The following CNBD1 variants were observed in gnomAD, a reference collection of about 807,000 sequenced individuals.
CNBD1 encodes the protein cyclic nucleotide binding domain containing 1.
Under a neutral mutation model 54.4 loss-of-function variants are expected in CNBD1, and 71 were observed. The ratio of observed to expected loss-of-function variants is 1.30; its 90% CI spans 1.08 to 1.59. CNBD1 has a LOEUF of 1.59. CNBD1 is among the 40% of genes most tolerant of loss of function. The pLI, the probability that CNBD1 is intolerant of heterozygous loss-of-function variation, is 0.00. For missense variants in CNBD1, 659 were observed against 518.0 expected (o/e 1.27, Z -2.64); for synonymous variants, 182 against 170.7 (o/e 1.07, Z -0.51).
intron 4 of CNBD1, among the ~76,000 whole-genome samples, chr8:87,153,288 T>C (rs1363184093): frequency 6.6e-6 from 1 of 152,216 alleles, no homozygotes; most frequent in East Asian, 1.9e-4. Flanking sequence ...TATATCAGAC[T>C]GCCATTTCTA....
intron 4 of CNBD1, among the ~76,000 whole-genome samples, chr8:87,038,371 A>AT (rs1266522106): frequency 1.3e-5 from 2 of 152,052 alleles, no homozygotes; most frequent in African/African-American, 4.8e-5. Context: ...ACACAAATCA[A>AT]TTTTTCCAAA....
intron 4 of CNBD1, among the ~76,000 whole-genome samples, chr8:87,034,566 A>G (rs540959881): frequency 1.3e-5 from 2 of 152,330 alleles, no homozygotes; most frequent in South Asian, 4.1e-4. Context: ...GGTGCCATGT[A>G]GGTATGATCT....
chr8:86,874,489 G>A (rs1808486617), intron 1 of CNBD1, among the ~76,000 whole-genome samples: 1 of 152,056 alleles, frequency 6.6e-6, no homozygotes, highest in Non-Finnish European at 1.5e-5. Flanking sequence ...TACATAGAGA[G>A]CTTTCCAGTT....
At chr8:86,998,528 C>G (rs1043785631) in intron 4 of CNBD1, among the ~76,000 whole-genome samples, 3 of 152,110 alleles carry the variant, frequency 2.0e-5, no homozygotes, top group African/African-American at 7.2e-5. Context: ...GGGTCCTGTG[C>G]ATTGGGCAAT....
At chr8:87,327,018 T>A (rs1354268583) in intron 8 of CNBD1, among the ~76,000 whole-genome samples, 1 of 149,706 alleles carries the variant, frequency 6.7e-6, no homozygotes, top group Non-Finnish European at 1.5e-5. Flanking sequence ...GTTTTCCTTC[T>A]AACAGACAGC....
chr8:87,318,839 A>T (rs13282381), intron 8 of CNBD1, among the ~76,000 whole-genome samples: 57,591 of 151,926 alleles, frequency 0.38, 11,196 homozygotes, highest in Middle Eastern at 0.45. Flanking sequence ...GGTAAGTGAT[A>T]TGAATCACAC....
intron 4 of CNBD1, among the ~76,000 whole-genome samples, chr8:87,169,724 G>A (rs1813046471): frequency 6.6e-6 from 1 of 151,940 alleles, no homozygotes; most frequent in African/African-American, 2.4e-5. Flanking sequence ...CTGTAGATGT[G>A]TGGATTTCTT....
chr8:87,054,799 C>T (rs974449350), intron 4 of CNBD1, among the ~76,000 whole-genome samples: 9 of 152,172 alleles, frequency 5.9e-5, no homozygotes, highest in African/African-American at 1.9e-4. Flanking sequence ...TGGCTAGGTC[C>T]TCCACAAAAG....
At chr8:87,378,068 A>G (rs1381218686) in intron 10 of CNBD1, among the ~76,000 whole-genome samples, 9 of 142,210 alleles carry the variant, frequency 6.3e-5, no homozygotes, top group Non-Finnish European at 1.4e-4. Context: ...TTGTCAGATG[A>G]GTAGGTTGCG....
chr8:86,961,235 C>A (rs74370484), intron 4 of CNBD1, among the ~76,000 whole-genome samples: 2,356 of 152,218 alleles, frequency 0.015, 72 homozygotes, highest in African/African-American at 0.054. Flanking sequence ...ACCAGTTTTA[C>A]TTTGTTTGCC....
intron 2 of CNBD1, among the ~76,000 whole-genome samples, chr8:87,390,624 C>T (rs1017172701): frequency 6.6e-6 from 1 of 152,136 alleles, no homozygotes; most frequent in Non-Finnish European, 1.5e-5. Context: ...GAAATAGGAA[C>T]ACTTTTGCAC....
chr8:87,222,812 T>G, intron 5 of CNBD1, among the ~76,000 whole-genome samples: 1 of 152,146 alleles, frequency 6.6e-6, no homozygotes, highest in East Asian at 1.9e-4. Flanking sequence ...TTTAATGCCT[T>G]CTGTTCATTA....
At chr8:87,009,379 C>A (rs538379316) in intron 4 of CNBD1, among the ~76,000 whole-genome samples, 2 of 152,122 alleles carry the variant, frequency 1.3e-5, no homozygotes, top group Non-Finnish European at 2.9e-5. Context: ...CAGCTCACTG[C>A]AACCTCTGCC....
intron 6 of CNBD1, among the ~76,000 whole-genome samples, chr8:87,247,229 C>T (rs751000975): frequency 6.6e-6 from 1 of 152,112 alleles, no homozygotes; most frequent in Non-Finnish European, 1.5e-5. Context: ...GCTTCTAGCA[C>T]GGACAAAGTC....
chr8:87,307,155 A>G (rs1472383674), intron 8 of CNBD1, among the ~76,000 whole-genome samples: 1 of 152,218 alleles, frequency 6.6e-6, no homozygotes, highest in African/African-American at 2.4e-5. Flanking sequence ...TCATAAAAAC[A>G]TAAGCCCTCT....
chr8:87,339,218 T>A (rs766859919), intron 8 of CNBD1, among the ~76,000 whole-genome samples: 2 of 152,212 alleles, frequency 1.3e-5, no homozygotes, highest in Non-Finnish European at 2.9e-5. Context: ...GATTACTATC[T>A]GATACTTACT....
In CNBD1 at chr8:87,284,731, G is replaced by A. The variant is rs374378962; in HGVS notation, c.825G>A (p.Ser275=). Residue 275 remains serine (S), a synonymous_variant, in exon 7 of 11, where the codon TCG becomes TCA. Transcript: ENST00000518476. ...TGGAAGTTATGCCTCAGAATGAATCGGAAACACAGATGTTCTCGGTGGTGA... is the reference window on the plus strand; with the variant it reads ...TGGAAGTTATGCCTCAGAATGAATCAGAAACACAGATGTTCTCGGTGGTGA... ...GTLEVMPQNE[S]ETQMFSVVTE... 2.2e-5 allele frequency: 35 copies of A among 1,604,332 alleles called. No homozygotes were observed. Among genetic ancestry groups the A allele is most frequent in the African/African-American group, 2.0e-4 (15 of 74,594 alleles).
chr8:87,258,414 C>CT (rs931807913), intron 6 of CNBD1, among the ~76,000 whole-genome samples: 1 of 150,996 alleles, frequency 6.6e-6, no homozygotes, highest in Non-Finnish European at 1.5e-5. Context: ...AAAAATTTTT[C>CT]TTTTTTTTAT....
chr8:87,181,467 A>G (rs1423162819), intron 4 of CNBD1, among the ~76,000 whole-genome samples: 1 of 152,200 alleles, frequency 6.6e-6, no homozygotes, highest in Non-Finnish European at 1.5e-5. Flanking sequence ...AAGTTTGTCA[A>G]TAATTCTGTC....
Sources: allele counts gnomAD v4.1 joint callset (sites outside exome capture counted in the v4.1 genomes callset), GRCh38; gene constraint gnomAD v4.1.1; transcripts MANE v1.5; gene names NCBI Gene and HGNC (gene_info 2026-07-23, HGNC 2026-07-21).